REDIC1: variants seen among roughly 807,000 people sequenced by gnomAD.
REDIC1 encodes the protein HEI10 Interacting Protein 1.
the REDIC1 span, among the ~76,000 whole-genome samples, chr12:39,872,393 A>T: frequency 1.3e-5 from 2 of 152,336 alleles, no homozygotes; most frequent in Admixed American, 1.3e-4. Flanking sequence ...AGAGAATGTA[A>T]TATAGTGGTA....
At chr12:39,892,281 T>C in the REDIC1 span, among the ~76,000 whole-genome samples, 1 of 152,218 alleles carries the variant, frequency 6.6e-6, no homozygotes, top group Admixed American at 6.5e-5. Flanking sequence ...AGGCCACCTT[T>C]CCTCACCCTT....
the REDIC1 span, among the ~76,000 whole-genome samples, chr12:39,834,666 C>T: frequency 1.3e-5 from 2 of 151,970 alleles, no homozygotes; most frequent in African/African-American, 2.4e-5. Flanking sequence ...GAGTGGGGCT[C>T]GGTGTGGGAA....
the REDIC1 span, chr12:39,721,453 T>C: frequency 2.0e-6 from 1 of 511,384 alleles, no homozygotes; most frequent in Non-Finnish European, 3.4e-6. Flanking sequence ...TATAGCCATT[T>C]CCTTAATAGC....
At chr12:39,720,901 G>A in the REDIC1 span, 1 of 1,613,322 alleles carries the variant, frequency 6.2e-7, no homozygotes, top group African/African-American at 1.3e-5. Context: ...AAAACTTTCA[G>A]GTGACAGGAT....
the REDIC1 span, among the ~76,000 whole-genome samples, chr12:39,713,926 A>C: frequency 6.8e-6 from 1 of 146,578 alleles, no homozygotes; most frequent in Non-Finnish European, 1.5e-5. Flanking sequence ...TGTATATATT[A>C]AATTATGTGC....
the REDIC1 span, among the ~76,000 whole-genome samples, chr12:39,711,436 T>G: frequency 1.4e-5 from 1 of 71,922 alleles, no homozygotes; most frequent in Non-Finnish European, 3.3e-5. Context: ...TGTATATGTA[T>G]ATGTGTGTAC....
chr12:39,760,509 C>A, the REDIC1 span, among the ~76,000 whole-genome samples: 1 of 151,924 alleles, frequency 6.6e-6, no homozygotes, highest in Admixed American at 6.6e-5. Context: ...GGCTTTGAAG[C>A]CTTTCCTCCC....
chr12:39,824,517 T>A, the REDIC1 span, among the ~76,000 whole-genome samples: 27 of 152,294 alleles, frequency 1.8e-4, no homozygotes, highest in Non-Finnish European at 3.4e-4. Context: ...TACCAGGTCT[T>A]TCATTCATAA....
chr12:39,648,461 A>G, the REDIC1 span, among the ~76,000 whole-genome samples: 3 of 151,842 alleles, frequency 2.0e-5, no homozygotes, highest in Non-Finnish European at 2.9e-5. Context: ...AATTAACACT[A>G]TACAAATATA....
chr12:39,796,714 G>A, the REDIC1 span, among the ~76,000 whole-genome samples: 1 of 152,078 alleles, frequency 6.6e-6, no homozygotes, highest in African/African-American at 2.4e-5. Context: ...AATCAACTTT[G>A]TTTAGATGGG....
chr12:39,830,627 A>G, the REDIC1 span: 4 of 263,936 alleles, frequency 1.5e-5, no homozygotes, highest in Non-Finnish European at 1.8e-5. Context: ...ATTTCTCTCA[A>G]TTGTCTACCT....
chr12:39,726,090 A>G, the REDIC1 span, among the ~76,000 whole-genome samples: 1 of 151,298 alleles, frequency 6.6e-6, no homozygotes, highest in Non-Finnish European at 1.5e-5. Flanking sequence ...CCCAGTCTCT[A>G]TTTTCTTTTA....
At chr12:39,838,180 T>C in the REDIC1 span, among the ~76,000 whole-genome samples, 1 of 150,602 alleles carries the variant, frequency 6.6e-6, no homozygotes, top group Non-Finnish European at 1.5e-5. Context: ...GATGAGTTCA[T>C]GTCCTTTGTA....
the REDIC1 span, among the ~76,000 whole-genome samples, chr12:39,662,675 G>A: frequency 2.0e-5 from 3 of 151,984 alleles, no homozygotes; most frequent in Non-Finnish European, 4.4e-5. Flanking sequence ...ATGTTGAATA[G>A]GAGTGGTGAA....
the REDIC1 span, among the ~76,000 whole-genome samples, chr12:39,815,370 G>C: frequency 6.6e-6 from 1 of 152,174 alleles, no homozygotes; most frequent in African/African-American, 2.4e-5. Flanking sequence ...TTTTCAAACA[G>C]ACTGGCCTTC....
chr12:39,821,693 C>T, the REDIC1 span, among the ~76,000 whole-genome samples: 3 of 152,102 alleles, frequency 2.0e-5, no homozygotes, highest in South Asian at 6.2e-4. Context: ...GTGGCAAATC[C>T]TTGTTTAAAA....
At chr12:39,764,892 T>C in the REDIC1 span, 4 of 1,598,000 alleles carry the variant, frequency 2.5e-6, no homozygotes, top group Non-Finnish European at 3.4e-6. Flanking sequence ...ATTAACTTAA[T>C]GTTTTTGACT....
At chr12:39,830,227 A>G in the REDIC1 span, 1 of 1,611,950 alleles carries the variant, frequency 6.2e-7, no homozygotes, top group Non-Finnish European at 8.5e-7. Context: ...TCATTACAGT[A>G]ACTGAAAAAT....
At chr12:39,816,143 T>C in the REDIC1 span, among the ~76,000 whole-genome samples, 1 of 152,202 alleles carries the variant, frequency 6.6e-6, no homozygotes, top group Non-Finnish European at 1.5e-5. Context: ...TATTCCTTTT[T>C]AAGTTTTGTG....
Sources: allele counts gnomAD v4.1 joint callset (sites outside exome capture counted in the v4.1 genomes callset), GRCh38; gene constraint gnomAD v4.1.1; transcripts MANE v1.5; gene names NCBI Gene and HGNC (gene_info 2026-07-23, HGNC 2026-07-21).